The following LRMDA variants were observed in gnomAD, a reference collection of about 807,000 sequenced individuals.
LRMDA encodes leucine rich melanocyte differentiation associated.
In LRMDA, 18 loss-of-function variants were observed where a neutral mutation model predicts 29.8. That is an observed-to-expected ratio of 0.60 (90% CI 0.42 to 0.90). The LOEUF (loss-of-function observed/expected upper bound fraction) is 0.90. LRMDA is among the 40% of genes least tolerant of loss of function. LRMDA has a pLI of 0.00. For synonymous variants in LRMDA, 125 were observed against 109.4 expected (o/e 1.14, Z -0.89); for missense variants, 273 against 273.9 (o/e 1.00, Z 0.02).
intron 5 of LRMDA, among the ~76,000 whole-genome samples, chr10:76,256,351 A>G (rs1259131439): frequency 6.6e-6 from 1 of 152,096 alleles, no homozygotes; most frequent in Non-Finnish European, 1.5e-5. Context: ...CTTGCTGGGA[A>G]TTTTCTCCCA....
At chr10:75,612,345 A>G (rs906412767) in intron 2 of LRMDA, among the ~76,000 whole-genome samples, 1 of 152,176 alleles carries the variant, frequency 6.6e-6, no homozygotes, top group South Asian at 2.1e-4. Flanking sequence ...CTAGGCAATA[A>G]TGAATATTCT....
intron 6 of LRMDA, among the ~76,000 whole-genome samples, chr10:76,415,659 T>A (rs1842007192): frequency 6.6e-6 from 1 of 152,054 alleles, no homozygotes; most frequent in Non-Finnish European, 1.5e-5. Context: ...AAAGAAAGAT[T>A]AAGGATACGA....
intron 5 of LRMDA, among the ~76,000 whole-genome samples, chr10:76,102,385 T>A (rs1002884268): frequency 6.6e-6 from 1 of 152,224 alleles, no homozygotes; most frequent in Admixed American, 6.5e-5. Context: ...CCTCTTCCTC[T>A]TCCCACCCTC....
At chr10:76,232,730 C>A (rs12257049) in intron 5 of LRMDA, among the ~76,000 whole-genome samples, 13,266 of 152,144 alleles carry the variant, frequency 0.087, 1,852 homozygotes, top group African/African-American at 0.29. Flanking sequence ...GATGTACTGA[C>A]AATGGAAGAG....
chr10:76,119,064 T>A (rs1849719446), intron 5 of LRMDA, among the ~76,000 whole-genome samples: 1 of 152,158 alleles, frequency 6.6e-6, no homozygotes, highest in Admixed American at 6.5e-5. Context: ...TTTATCTTAA[T>A]TAGTCCCTGT....
At chr10:75,732,163 G>A (rs1218636993) in intron 2 of LRMDA, among the ~76,000 whole-genome samples, 1 of 152,146 alleles carries the variant, frequency 6.6e-6, no homozygotes, top group Non-Finnish European at 1.5e-5. Context: ...ATGCATCAGG[G>A]GGATTTGCTG....
intron 2 of LRMDA, among the ~76,000 whole-genome samples, chr10:75,830,203 T>C (rs1185510579): frequency 6.6e-6 from 1 of 152,128 alleles, no homozygotes; most frequent in Non-Finnish European, 1.5e-5. Flanking sequence ...TGTGTGAAGC[T>C]CTAGTAACCC....
chr10:76,368,811 T>G (rs1841421574), intron 6 of LRMDA, among the ~76,000 whole-genome samples: 1 of 152,186 alleles, frequency 6.6e-6, no homozygotes, highest in Non-Finnish European at 1.5e-5. Flanking sequence ...TGTTTAGGAT[T>G]GTGATATTTT....
At chr10:75,477,697 G>A (rs1844812666) in intron 2 of LRMDA, among the ~76,000 whole-genome samples, 1 of 152,196 alleles carries the variant, frequency 6.6e-6, no homozygotes, top group Admixed American at 6.5e-5. Flanking sequence ...TGGGGCCCAC[G>A]AGGCTTGTAT....
chr10:76,199,374 C>T (rs112031360), intron 5 of LRMDA, among the ~76,000 whole-genome samples: 1,887 of 152,212 alleles, frequency 0.012, 46 homozygotes, highest in African/African-American at 0.04. Flanking sequence ...GAGGAATTCC[C>T]GTTTCCTCCA....
At chr10:75,959,517 G>GCACACACA (rs3042540) in intron 2 of LRMDA, among the ~76,000 whole-genome samples, 3 of 150,006 alleles carry the variant, frequency 2.0e-5, no homozygotes, top group Non-Finnish European at 4.4e-5. Flanking sequence ...GCACGTGCAT[G>GCACACACA]CACACACACA....
intron 6 of LRMDA, among the ~76,000 whole-genome samples, chr10:76,357,164 G>A (rs1841251861): frequency 1.3e-5 from 2 of 152,148 alleles, no homozygotes; most frequent in South Asian, 2.1e-4. Flanking sequence ...GTGGGGGTGC[G>A]ATCAGGAGAG....
chr10:75,684,684 T>C (rs1842062408), intron 2 of LRMDA, among the ~76,000 whole-genome samples: 1 of 152,182 alleles, frequency 6.6e-6, no homozygotes, highest in South Asian at 2.1e-4. Context: ...AACTCCTTCT[T>C]TAATTTAAGA....
chr10:76,111,532 T>C (rs1192569053), intron 5 of LRMDA, among the ~76,000 whole-genome samples: 1 of 152,260 alleles, frequency 6.6e-6, no homozygotes, highest in Non-Finnish European at 1.5e-5. Flanking sequence ...TTATATGCAG[T>C]TGTGCAAACA....
At chr10:76,008,145 T>A (rs1263466563) in intron 2 of LRMDA, among the ~76,000 whole-genome samples, 1 of 152,172 alleles carries the variant, frequency 6.6e-6, no homozygotes, top group Non-Finnish European at 1.5e-5. Flanking sequence ...AAAACTCCCA[T>A]TGCCGGGGTG....
chr10:75,960,096 C>T (rs1286851574), intron 2 of LRMDA, among the ~76,000 whole-genome samples: 11 of 152,166 alleles, frequency 7.2e-5, no homozygotes, highest in African/African-American at 2.7e-4. Flanking sequence ...CTCTCCACAT[C>T]GTGTCCACAT....
chr10:76,430,025 A>G (rs1203290277), intron 6 of LRMDA, among the ~76,000 whole-genome samples: 2 of 152,220 alleles, frequency 1.3e-5, no homozygotes, highest in African/African-American at 4.8e-5. Flanking sequence ...ATAAAAGCAA[A>G]CATGCTGTTT....
At chr10:75,462,807 TA>T (rs1450143479) in intron 2 of LRMDA, among the ~76,000 whole-genome samples, 3 of 152,232 alleles carry the variant, frequency 2.0e-5, no homozygotes, top group Non-Finnish European at 4.4e-5. Flanking sequence ...ATTGTCTCAA[TA>T]AAAACATTCC....
intron 2 of LRMDA, among the ~76,000 whole-genome samples, chr10:75,953,270 G>A (rs1413405266): frequency 2.6e-5 from 4 of 152,070 alleles, no homozygotes; most frequent in Middle Eastern, 3.4e-3. Flanking sequence ...TAGAGATAGC[G>A]GTCTCACTAT....
Sources: gnomAD v4.1 joint callset for allele counts (sites outside exome capture counted in the v4.1 genomes callset) on GRCh38, gnomAD v4.1.1 for gene constraint, MANE v1.5 for transcripts, NCBI Gene and HGNC (gene_info 2026-07-23, HGNC 2026-07-21) for gene names.